Variants in CDK6 observed in about 807,000 individuals in gnomAD.
CDK6 encodes cyclin dependent kinase 6.
Under a neutral mutation model 37.1 loss-of-function variants are expected in CDK6, and 6 were observed. That is an observed-to-expected ratio of 0.16 (90% CI 0.09 to 0.32). The LOEUF is 0.32. CDK6 is among the 10% of genes least tolerant of loss of function. The pLI, the probability that CDK6 is intolerant of heterozygous loss-of-function variation, is 1.00. For synonymous variants in CDK6, 160 were observed against 161.3 expected, an observed-to-expected ratio of 0.99 and a Z score of 0.06; for missense variants, 224 against 418.9, an observed-to-expected ratio of 0.53 and a Z score of 4.06.
chr7:92,647,858 C>T (rs546210892), intron 5 of CDK6, among the ~76,000 whole-genome samples: 3 of 152,224 alleles, frequency 2.0e-5, no homozygotes, highest in African/African-American at 7.2e-5. Flanking sequence ...TCTGCATGGG[C>T]CCTTTGTATT....
chr7:92,725,712 T>G lies in CDK6; in HGVS notation c.451A>C (p.Ile151Leu). 9 of 1,614,118 alleles carry G rather than the reference T, an allele frequency of 5.6e-6. No homozygotes were observed. The highest frequency in any genetic ancestry group is 7.6e-6 in the Non-Finnish European group (9 of 1,179,974). ...VVHRDLKPQN[I>L]LVTSSGQIKL... ...ATTTGTCCGCTGCTGGTCACCAGAA[T>G]GTTCTGTGGTTTTAGATCGCGATGC... Residue 151 changes from isoleucine to leucine, a missense_variant, in exon 4 of 8, where the codon ATT (isoleucine) becomes CTT (leucine). Physicochemically the swap from Ile to Leu is conservative, Grantham distance 5. Around this residue, in one of 5 missense-constraint regions of CDK6, gnomAD observed 82 missense variants for 202.1 expected, o/e 0.41. Transcript: ENST00000424848.
chr7:92,826,692 T>G (rs192199712), intron 2 of CDK6, among the ~76,000 whole-genome samples: 30 of 152,172 alleles, frequency 2.0e-4, no homozygotes, highest in Admixed American at 1.8e-3. Context: ...TAAATATGAG[T>G]AAGTATTTGA....
chr7:92,766,478 A>ACTAT (rs766910750), intron 3 of CDK6, among the ~76,000 whole-genome samples: 2 of 152,188 alleles, frequency 1.3e-5, no homozygotes, highest in Admixed American at 6.5e-5. Flanking sequence ...TGGTTAGCTG[A>ACTAT]CTATCTGTAC....
chr7:92,611,907 T>C lies in CDK6; in HGVS notation c.*3233A>G, dbSNP rs1388565607. 8.6e-6 allele frequency: 2 copies of C among 232,572 alleles called. No homozygotes were observed. Among genetic ancestry groups the C allele is most frequent in the Non-Finnish European group, 1.7e-5 (2 of 117,720 alleles). The allele number at this position is 232,572 out of a possible 1,614,324, so 14.4% of individuals were successfully genotyped here. ...AGAAAATCATGAGAATACAGGGGGC[T>C]GAAATGGCCCCAAGCTTTCTTCCAA... On this transcript the variant is annotated 3_prime_UTR_variant, in exon 8 of 8. Coordinates refer to ENST00000424848, the MANE Select transcript of CDK6 (RefSeq NM_001145306.2).
At chr7:92,772,036 A>G (rs1004930599) in intron 3 of CDK6, among the ~76,000 whole-genome samples, 6 of 152,206 alleles carry the variant, frequency 3.9e-5, no homozygotes, top group Non-Finnish European at 5.9e-5. Flanking sequence ...ATAATTTTGT[A>G]TCAGTTATAT....
chr7:92,826,666 A>G (rs942600687), intron 2 of CDK6, among the ~76,000 whole-genome samples: 4 of 152,294 alleles, frequency 2.6e-5, no homozygotes, highest in Non-Finnish European at 2.9e-5. Context: ...TAAAAAATGC[A>G]TAGTCAGGAA....
At chr7:92,672,166 TACACACACACACACACAGACAC>T (rs1400874433) in intron 4 of CDK6, among the ~76,000 whole-genome samples, 17 of 38,712 alleles carry the variant, frequency 4.4e-4, no homozygotes, top group Admixed American at 1.2e-3. Flanking sequence ...TATATACACA[TACACACACACACACACAGACAC>T]ATACACACAC....
chr7:92,769,915 C>G (rs1169282210), intron 3 of CDK6, among the ~76,000 whole-genome samples: 1 of 151,910 alleles, frequency 6.6e-6, no homozygotes, highest in Non-Finnish European at 1.5e-5. Flanking sequence ...GCTATATAAG[C>G]ATAGATACTC....
chr7:92,799,753 G>T (rs1800521019), intron 2 of CDK6, among the ~76,000 whole-genome samples: 1 of 152,128 alleles, frequency 6.6e-6, no homozygotes, highest in Non-Finnish European at 1.5e-5. Flanking sequence ...ATGCAAAAGT[G>T]ATATTCCAAA....
intron 6 of CDK6, among the ~76,000 whole-genome samples, chr7:92,621,259 C>G (rs970080353): frequency 6.6e-6 from 1 of 152,304 alleles, no homozygotes; most frequent in East Asian, 1.9e-4. Context: ...GACACAATGC[C>G]AGAAACCACA....
intron 3 of CDK6, among the ~76,000 whole-genome samples, chr7:92,766,981 C>A (rs1013738717): frequency 6.6e-6 from 1 of 152,070 alleles, no homozygotes; most frequent in African/African-American, 2.4e-5. Flanking sequence ...ACTATCAACC[C>A]CCTGTACCCC....
intron 2 of CDK6, among the ~76,000 whole-genome samples, chr7:92,818,663 A>C (rs1006123392): frequency 3.3e-5 from 5 of 152,066 alleles, no homozygotes; most frequent in African/African-American, 1.2e-4. Flanking sequence ...AGGTAAGCCA[A>C]AGACCTGAAG....
At chr7:92,771,865 G>A (rs1485737933) in intron 3 of CDK6, among the ~76,000 whole-genome samples, 3 of 152,144 alleles carry the variant, frequency 2.0e-5, no homozygotes, top group African/African-American at 4.8e-5. Flanking sequence ...TCCCATAAAT[G>A]AGCCTATATA....
chr7:92,718,431 C>A (rs1045606811), intron 4 of CDK6, among the ~76,000 whole-genome samples: 5 of 152,194 alleles, frequency 3.3e-5, no homozygotes, highest in Admixed American at 3.3e-4. Context: ...AGGCACAAAC[C>A]CTGCCAGGTC....
chr7:92,736,324 T>G (rs1276664750), intron 3 of CDK6, among the ~76,000 whole-genome samples: 1 of 152,182 alleles, frequency 6.6e-6, no homozygotes, highest in Non-Finnish European at 1.5e-5. Context: ...CCCTACTATG[T>G]GTAAGGCATT....
At chr7:92,643,536 G>A (rs1053195056) in intron 5 of CDK6, among the ~76,000 whole-genome samples, 2 of 152,218 alleles carry the variant, frequency 1.3e-5, no homozygotes, top group Non-Finnish European at 2.9e-5. Context: ...AGATATGCTG[G>A]TGGAGAATAA....
At chr7:92,752,683 C>T (rs538619158) in intron 3 of CDK6, among the ~76,000 whole-genome samples, 1 of 152,292 alleles carries the variant, frequency 6.6e-6, no homozygotes, top group South Asian at 2.1e-4. Context: ...TATGGAATTA[C>T]ATACAGACAT....
chr7:92,765,074 A>ATT (rs1375095118), intron 3 of CDK6, among the ~76,000 whole-genome samples: 1 of 152,176 alleles, frequency 6.6e-6, no homozygotes, highest in East Asian at 1.9e-4. Context: ...ATTCCTTTGA[A>ATT]GCTTCTAGTT....
intron 5 of CDK6, among the ~76,000 whole-genome samples, chr7:92,647,460 A>T (rs1796478357): frequency 6.6e-6 from 1 of 152,218 alleles, no homozygotes; most frequent in South Asian, 2.1e-4. Context: ...GCAATGCTCC[A>T]GGCAGATGAC....
Sources: allele counts gnomAD v4.1 joint callset (sites outside exome capture counted in the v4.1 genomes callset), GRCh38; gene constraint gnomAD v4.1.1; regional missense constraint gnomAD v4.1.1; transcripts MANE v1.5; gene names NCBI Gene and HGNC (gene_info 2026-07-23, HGNC 2026-07-21).